Variants in AGPS observed in about 807,000 individuals in gnomAD.
The protein encoded by AGPS is alkylglycerone phosphate synthase, also known as alkyldihydroxyacetonephosphate synthase, peroxisomal.
In AGPS, 26 loss-of-function variants were observed where a neutral mutation model predicts 90.7. That is an observed-to-expected ratio of 0.29 (90% CI 0.21 to 0.40). The LOEUF (loss-of-function observed/expected upper bound fraction) is 0.40, where lower values mean the gene tolerates loss of function less well. Ranked by LOEUF, AGPS falls within the 10% of genes least tolerant of loss-of-function variation. The pLI, the probability that AGPS is intolerant of heterozygous loss-of-function variation, is 1.00. For missense variants in AGPS, 540 were observed against 816.1 expected (o/e 0.66, Z 4.12); for synonymous variants, 294 against 285.3 (o/e 1.03, Z -0.31).
chr2:177,491,432 T>TC (rs1438498058), intron 11 of AGPS, among the ~76,000 whole-genome samples: 1 of 146,838 alleles, frequency 6.8e-6, no homozygotes, highest in Non-Finnish European at 1.5e-5. Context: ...CTAATTTCTT[T>TC]TTTTTTTTTT....
intron 10 of AGPS, among the ~76,000 whole-genome samples, chr2:177,473,638 A>G (rs531228346): frequency 6.6e-6 from 1 of 152,362 alleles, no homozygotes; most frequent in African/African-American, 2.4e-5. Context: ...TTGACATAAT[A>G]TTCCCAGAAA....
intron 1 of AGPS, among the ~76,000 whole-genome samples, chr2:177,417,480 C>T (rs1256662164): frequency 6.6e-6 from 1 of 152,128 alleles, no homozygotes; most frequent in Admixed American, 6.5e-5. Flanking sequence ...TCTATAGTAA[C>T]ATGTAATAGT....
At chr2:177,482,001 A>G (rs923036771) in intron 10 of AGPS, 58 bp from the exon 11 acceptor site, 1 of 1,480,816 alleles carries the variant, frequency 6.8e-7, no homozygotes, top group African/African-American at 1.4e-5. Flanking sequence ...ATAGATTTAA[A>G]TATGATTTAG....
intron 14 of AGPS, among the ~76,000 whole-genome samples, chr2:177,504,910 A>G (rs1382434150): frequency 6.6e-6 from 1 of 152,104 alleles, no homozygotes; most frequent in Non-Finnish European, 1.5e-5. Flanking sequence ...TTCTAACTAG[A>G]TCATCAAATA....
At chr2:177,439,005 A>ACACACAC (rs1172223046) in intron 5 of AGPS, among the ~76,000 whole-genome samples, 4 of 97,402 alleles carry the variant, frequency 4.1e-5, no homozygotes, top group Non-Finnish European at 6.8e-5. Flanking sequence ...CACACACACA[A>ACACACAC]CTGGAAATCT....
At position 177,539,937 on chromosome 2, in the gene AGPS, A is replaced by C. The variant is rs968660067; in HGVS notation, c.*1742A>C. 2.6e-5 allele frequency: 4 copies of C among 151,458 alleles called. No individual in the cohort carries two copies. Among genetic ancestry groups the C allele is most frequent in the Non-Finnish European group, 4.4e-5 (3 of 67,786 alleles). The allele number at this position is 151,458 out of a possible 1,614,324, so 9.4% of individuals were successfully genotyped here. A position where few individuals can be genotyped will look rare whatever the true frequency, so the allele number is the denominator to read the frequency against. ...GAGGAAGTTGCCTCTAGAATTATAA[A>C]AATCTCAGCTTTATAAAATGCATCT... On this transcript the variant is annotated 3_prime_UTR_variant, in exon 20 of 20. Transcript: ENST00000264167.
chr2:177,446,771 C>T (rs1686788422), intron 8 of AGPS, among the ~76,000 whole-genome samples: 1 of 152,084 alleles, frequency 6.6e-6, no homozygotes, highest in South Asian at 2.1e-4. Context: ...CAAAATGGAA[C>T]AGTTTGAACA....
chr2:177,420,206 T>C, intron 1 of AGPS, 63 bp from the exon 2 acceptor site: 1 of 1,016,450 alleles, frequency 9.8e-7, no homozygotes, highest in South Asian at 1.3e-5. Flanking sequence ...TAATCAATGA[T>C]ATACTGTACA....
intron 2 of AGPS, among the ~76,000 whole-genome samples, chr2:177,427,661 G>A (rs1686121620): frequency 6.6e-6 from 1 of 152,022 alleles, no homozygotes; most frequent in South Asian, 2.1e-4. Flanking sequence ...GATTTTTTTA[G>A]TCTTGATTCT....
intron 9 of AGPS, among the ~76,000 whole-genome samples, chr2:177,462,814 G>A (rs1018911777): frequency 2.0e-5 from 3 of 152,116 alleles, no homozygotes; most frequent in African/African-American, 4.8e-5. Context: ...TATAAATACT[G>A]TGCTGTTTTA....
intron 1 of AGPS, among the ~76,000 whole-genome samples, chr2:177,406,813 T>A (rs2105592806): frequency 1.3e-5 from 2 of 152,378 alleles, no homozygotes; most frequent in South Asian, 4.1e-4. Flanking sequence ...TTGAATGTGC[T>A]TTATGCTTCA....
intron 9 of AGPS, among the ~76,000 whole-genome samples, chr2:177,466,713 G>A (rs549029211): frequency 1.3e-5 from 2 of 152,354 alleles, no homozygotes; most frequent in East Asian, 1.9e-4. Flanking sequence ...GCAACAGCAC[G>A]CAGGCTCGGC....
At position 177,474,952 on chromosome 2, in the gene AGPS, G is replaced by C. The variant is rs1284768030; in HGVS notation, c.1105+6428G>C. The stretch of plus-strand genomic sequence containing the variant: ...ACCAAAAGCTTAGAACTTGGAGTTT[G>C]GTTCTGAATAGAAATGTTTTCCTGG... On this transcript the variant is annotated intron_variant, in intron 10 of 19. Transcript: ENST00000264167. 2.6e-5 allele frequency among the ~76,000 whole-genome samples: 4 copies of C among 152,244 alleles called. No homozygotes were observed. The East Asian group carries it at 7.7e-4, about 29-fold the overall frequency.
intron 11 of AGPS, among the ~76,000 whole-genome samples, chr2:177,482,640 A>G (rs1687977373): frequency 6.6e-6 from 1 of 152,120 alleles, no homozygotes; most frequent in Non-Finnish European, 1.5e-5. Flanking sequence ...TAGGTAATTC[A>G]ACTTCATCAA....
intron 8 of AGPS, among the ~76,000 whole-genome samples, chr2:177,451,781 A>G (rs1381596959): frequency 6.6e-6 from 1 of 152,160 alleles, no homozygotes; most frequent in African/African-American, 2.4e-5. Context: ...GTTAAGTTGA[A>G]GTAATTTATT....
chr2:177,520,315 C>G (rs571165340), intron 17 of AGPS, among the ~76,000 whole-genome samples: 16 of 152,286 alleles, frequency 1.1e-4, no homozygotes, highest in Admixed American at 3.9e-4. Context: ...ACTTAATGTA[C>G]TTTGAAGAGA....
chr2:177,479,585 G>A (rs1378891957), intron 10 of AGPS, among the ~76,000 whole-genome samples: 1 of 152,102 alleles, frequency 6.6e-6, no homozygotes, highest in African/African-American at 2.4e-5. Context: ...TAATATTTGG[G>A]AATTAAAAAG....
chr2:177,495,021 G>A (rs1365085778), intron 12 of AGPS, among the ~76,000 whole-genome samples: 1 of 152,102 alleles, frequency 6.6e-6, no homozygotes, highest in Non-Finnish European at 1.5e-5. Flanking sequence ...CATATTATTA[G>A]TTGTTAATAT....
At chr2:177,400,500 C>T (rs185367486) in intron 1 of AGPS, among the ~76,000 whole-genome samples, 4 of 152,190 alleles carry the variant, frequency 2.6e-5, no homozygotes, top group Admixed American at 2.0e-4. Flanking sequence ...AGTTGAAATA[C>T]GCTTACTCAT....
Sources: allele counts gnomAD v4.1 joint callset (sites outside exome capture counted in the v4.1 genomes callset), GRCh38; gene constraint gnomAD v4.1.1; transcripts MANE v1.5; gene names NCBI Gene and HGNC (gene_info 2026-07-23, HGNC 2026-07-21).